Variants in FHL5 observed in about 807,000 individuals in gnomAD.
FHL5 encodes the protein four and a half LIM domains protein 5.
A neutral mutation model predicts 32.0 loss-of-function variants in FHL5; 33 were observed. The observed-to-expected ratio is 1.03, with a 90% CI of 0.78 to 1.38. The LOEUF is 1.38. Ranked by LOEUF, FHL5 falls within the 40% of genes most tolerant of loss-of-function variation. FHL5 has a pLI of 0.00. For synonymous variants in FHL5, 114 were observed against 113.6 expected (o/e 1.00, Z -0.02); for missense variants, 336 against 343.9 (o/e 0.98, Z 0.18).
intron 1 of FHL5, among the ~76,000 whole-genome samples, chr6:96,596,011 T>C (rs1407365828): frequency 6.6e-6 from 1 of 152,054 alleles, no homozygotes; most frequent in East Asian, 1.9e-4. Flanking sequence ...TGAAAATTTA[T>C]ATGTATGATT....
chr6:96,604,390 G>C (rs573267403), intron 2 of FHL5, among the ~76,000 whole-genome samples: 8 of 148,864 alleles, frequency 5.4e-5, no homozygotes, highest in African/African-American at 2.0e-4. Context: ...TTTTTTGTCT[G>C]TTTAGTTACA....
At position 96,610,714 on chromosome 6, in the gene FHL5, A is replaced by G. The variant is rs1771387357; in HGVS notation, c.647A>G (p.His216Arg). 1 of 1,613,960 alleles carries G rather than the reference A, an allele frequency of 6.2e-7. No homozygotes were observed. The highest frequency in any genetic ancestry group is 8.5e-7 in the Non-Finnish European group (1 of 1,179,842). ...CCATTCTGCGTGGACTGCTACAACC[A>G]TCTTTATGCCAACAAGTGTGTAGCC... is the stretch of plus-strand genomic sequence containing the variant. ...DYPFCVDCYN[H>R]LYANKCVACS... is the part of the protein sequence containing the mutation. The change falls in exon 5 of 6, where the codon CAT becomes CGT. Residue 216 changes from histidine to arginine, a missense_variant. Physicochemically the swap from His to Arg is conservative, Grantham distance 29 (BLOSUM62 0). Coordinates refer to ENST00000450218, the MANE Select transcript of FHL5 (RefSeq NM_001322466.2).
At chr6:96,576,066 G>C (rs974551657) in intron 1 of FHL5, among the ~76,000 whole-genome samples, 1 of 152,180 alleles carries the variant, frequency 6.6e-6, no homozygotes, top group African/African-American at 2.4e-5. Context: ...CTCCACAACT[G>C]TGTGGACGGC....
chr6:96,590,994 G>A (rs1770903746), intron 1 of FHL5, among the ~76,000 whole-genome samples: 1 of 151,980 alleles, frequency 6.6e-6, no homozygotes, highest in Non-Finnish European at 1.5e-5. Flanking sequence ...TGTTATTTGG[G>A]TTTGGGTTTT....
chr6:96,571,888 G>A (rs1161467878), intron 1 of FHL5, among the ~76,000 whole-genome samples: 1 of 152,072 alleles, frequency 6.6e-6, no homozygotes, highest in African/African-American at 2.4e-5. Context: ...GAATGTGTGG[G>A]GCCAAGTGTA....
intron 4 of FHL5, among the ~76,000 whole-genome samples, chr6:96,609,729 C>T (rs1196128051): frequency 6.6e-6 from 1 of 152,186 alleles, no homozygotes; most frequent in Non-Finnish European, 1.5e-5. Context: ...TTTTCAACTG[C>T]TTATCTGTGT....
intron 1 of FHL5, among the ~76,000 whole-genome samples, chr6:96,569,522 G>A (rs1199047256): frequency 6.6e-6 from 1 of 151,960 alleles, no homozygotes; most frequent in Non-Finnish European, 1.5e-5. Flanking sequence ...AATGCTGAGG[G>A]GTGTTGAAGT....
intron 4 of FHL5, among the ~76,000 whole-genome samples, chr6:96,606,519 T>G (rs1771284898): frequency 6.6e-6 from 1 of 152,056 alleles, no homozygotes; most frequent in Admixed American, 6.5e-5. Flanking sequence ...GTCCAGCTAA[T>G]TTTTGTATTT....
intron 1 of FHL5, among the ~76,000 whole-genome samples, chr6:96,573,845 T>C (rs1242485829): frequency 6.6e-6 from 1 of 152,246 alleles, no homozygotes; most frequent in East Asian, 1.9e-4. Context: ...TTTTGACCTA[T>C]AATTGTTTTT....
At chr6:96,608,576 A>C (rs1771333036) in intron 4 of FHL5, among the ~76,000 whole-genome samples, 1 of 152,190 alleles carries the variant, frequency 6.6e-6, no homozygotes. Context: ...TTAAACTAAG[A>C]TTTATTTTCT....
intron 1 of FHL5, among the ~76,000 whole-genome samples, chr6:96,573,860 T>C (rs1317573200): frequency 6.6e-6 from 1 of 152,098 alleles, no homozygotes; most frequent in African/African-American, 2.4e-5. Context: ...GTTTTTTAAA[T>C]TAAACAATTA....
intron 1 of FHL5, among the ~76,000 whole-genome samples, chr6:96,591,417 C>T (rs1189735746): frequency 1.3e-5 from 2 of 151,910 alleles, no homozygotes; most frequent in African/African-American, 2.4e-5. Flanking sequence ...CATTTTTTCC[C>T]TACTCTTTTC....
At chr6:96,602,432 T>C (rs1382863198) in intron 1 of FHL5, among the ~76,000 whole-genome samples, 30 of 60,482 alleles carry the variant, frequency 5.0e-4, no homozygotes, top group African/African-American at 2.0e-3. Context: ...GTTTCTTTTT[T>C]TTTTTTTTTT....
chr6:96,566,745 A>T (rs1770366281), intron 1 of FHL5, among the ~76,000 whole-genome samples: 1 of 151,808 alleles, frequency 6.6e-6, no homozygotes, highest in Non-Finnish European at 1.5e-5. Context: ...TACCCTGATG[A>T]TTAATGACAT....
rs1488986157 is a variant in FHL5, at chr6:96,617,595, A to G, written c.*1823A>G. Among the ~76,000 whole-genome samples, 2 of 152,206 alleles carry G rather than the reference A, an allele frequency of 1.3e-5. No homozygotes were observed. Among genetic ancestry groups the G allele is most frequent in the Non-Finnish European group, 2.9e-5 (2 of 68,016 alleles). ...TTTTCTGCATTATATGAAATTTCAC[A>G]GGTAGAACTAAATCTATGATATAGA... On this transcript the variant is annotated 3_prime_UTR_variant, in exon 6 of 6. Transcript: ENST00000450218.
At chr6:96,594,227 TTATATATA>T (rs1178680000) in intron 1 of FHL5, among the ~76,000 whole-genome samples, 1,184 of 66,710 alleles carry the variant, frequency 0.018, 10 homozygotes, top group South Asian at 0.021. Flanking sequence ...ATATTAGAAT[TTATATATA>T]TATATATATA....
At chr6:96,601,783 G>A (rs565286655) in intron 1 of FHL5, among the ~76,000 whole-genome samples, 4 of 152,294 alleles carry the variant, frequency 2.6e-5, no homozygotes, top group East Asian at 1.9e-4. Context: ...ACACTTGATC[G>A]CTGTAAATGT....
At position 96,615,664 on chromosome 6, in the gene FHL5, CT is replaced by C. The variant is rs1251561119; in HGVS notation, c.750del (p.Phe250LeufsTer16). ...AAGACAGCCAGTGGCATAGCGAATG[CT>C]TTAACTGCGGGAAATGCTCTGTCTC... ...FQDSQWHSECFNCGKCSVSLV... is the reference protein window; with the variant it reads ...FQDSQWHSECXNCGKCSVSLV... On this transcript the variant is annotated frameshift_variant, in exon 6 of 6. Transcript: ENST00000450218. LOFTEE classifies it high-confidence loss of function. 1.2e-6 allele frequency: 2 copies of C among 1,613,122 alleles called. No individual in the cohort carries two copies.
At position 96,610,766 on chromosome 6, in the gene FHL5, C is replaced by G; in HGVS notation, c.691+8C>G. The stretch of plus-strand genomic sequence containing the variant: ...GTTCCAAACCCATTAGTGGTGAGTT[C>G]TTCAGTTCAATATGATCATGCCATG... On this transcript the variant is annotated splice_region_variant and intron_variant, in intron 5 of 5. Coordinates refer to ENST00000450218, the MANE Select transcript of FHL5 (RefSeq NM_001322466.2). The G allele has an allele frequency of 6.3e-7, 1 of 1,597,122 alleles. No individual in the cohort carries two copies. Among genetic ancestry groups the G allele is most frequent in the East Asian group, 2.2e-5 (1 of 44,738 alleles).
Sources: allele counts gnomAD v4.1 joint callset (sites outside exome capture counted in the v4.1 genomes callset), GRCh38; gene constraint gnomAD v4.1.1; transcripts MANE v1.5; gene names NCBI Gene and HGNC (gene_info 2026-07-23, HGNC 2026-07-21).